RHBDL2: variants seen among roughly 807,000 people sequenced by gnomAD.
RHBDL2 encodes the protein rhomboid-related protein 2.
Under a neutral mutation model 31.7 loss-of-function variants are expected in RHBDL2, and 26 were observed. That is an observed-to-expected ratio of 0.82 (90% confidence interval 0.60 to 1.14). RHBDL2 has a LOEUF of 1.14. Ranked by LOEUF, RHBDL2 falls within the 50% of genes most tolerant of loss-of-function variation. RHBDL2 has a pLI of 0.00. For missense variants in RHBDL2, 336 were observed against 364.4 expected (o/e 0.92, Z 0.63); for synonymous variants, 123 against 127.2 (o/e 0.97, Z 0.22).
At chr1:38,904,979 C>T (rs1010457525) in intron 4 of RHBDL2, among the ~76,000 whole-genome samples, 1 of 150,108 alleles carries the variant, frequency 6.7e-6, no homozygotes, top group Admixed American at 6.6e-5. Context: ...TGCAGTGAGC[C>T]GAGATCGCGC....
chr1:38,900,335 C>T (rs1032438687), intron 4 of RHBDL2, among the ~76,000 whole-genome samples: 4 of 151,828 alleles, frequency 2.6e-5, no homozygotes, highest in Non-Finnish European at 5.9e-5. Context: ...CACAAGAACC[C>T]CCTGGGCCGA....
chr1:38,894,896 G>A lies in RHBDL2; in HGVS notation c.609+1073C>T, dbSNP rs1175762546. Among the ~76,000 whole-genome samples the A allele has an allele frequency of 5.3e-5, 8 of 151,646 alleles. No homozygotes were observed. The East Asian group carries it at 5.8e-4, about 11-fold the overall frequency. ...TAATTTTTGTATTTTTAGTAGAGAC[G>A]GGGTTTCACCATATTGGCCTGGATG... On this transcript the variant is annotated intron_variant, in intron 5 of 7. Transcript: ENST00000372990.
At chr1:38,929,033 T>A (rs1643411097) in intron 1 of RHBDL2, among the ~76,000 whole-genome samples, 1 of 152,028 alleles carries the variant, frequency 6.6e-6, no homozygotes, top group African/African-American at 2.4e-5. Context: ...ATGGTGCCAC[T>A]TGCACTCCAG....
chr1:38,936,970 C>G lies in RHBDL2; in HGVS notation c.-126+4712G>C, dbSNP rs925912117. Among the ~76,000 whole-genome samples, 48 of 137,410 alleles carry G rather than the reference C, an allele frequency of 3.5e-4. 1 individual carries two copies. Among genetic ancestry groups the G allele is most frequent in the Non-Finnish European group, 1.1e-4 (7 of 64,368 alleles). 90.1% of individuals were successfully genotyped at this position (137,410 alleles called of 152,430 possible). On this transcript the variant is annotated intron_variant, in intron 1 of 7. Transcript: ENST00000372990. ...AGTGTTCTTTTTTTTTTTTTTGAGACAGAGTCTCACCCTGTCACCCAGGCT... is the reference window on the plus strand; with the variant it reads ...AGTGTTCTTTTTTTTTTTTTTGAGAGAGAGTCTCACCCTGTCACCCAGGCT...
rs2124294800 is a variant in RHBDL2 at position 38,885,839 on chromosome 1, A to T, written c.*665T>A. On this transcript the variant is annotated 3_prime_UTR_variant, in exon 8 of 8. Transcript: ENST00000372990. Reference sequence around the variant, plus strand: ...AAAAAGTTTTTATTATCAGCATTGTACAGTATTCATAGATTTTATGAAGCA... The same window carrying T: ...AAAAAGTTTTTATTATCAGCATTGTTCAGTATTCATAGATTTTATGAAGCA... 1 of 152,786 alleles carries T rather than the reference A, an allele frequency of 6.5e-6. No homozygotes were observed. Among genetic ancestry groups the T allele is most frequent in the Admixed American group, 6.5e-5 (1 of 15,302 alleles). The allele number at this position is 152,786 out of a possible 1,614,324, so 9.5% of individuals were successfully genotyped here.
chr1:38,897,343 G>C (rs2124307922), intron 4 of RHBDL2, among the ~76,000 whole-genome samples: 1 of 152,148 alleles, frequency 6.6e-6, no homozygotes, highest in South Asian at 2.1e-4. Context: ...CTCGTGATCT[G>C]CCCACCTCGG....
chr1:38,930,833 C>G (rs1325496289), intron 1 of RHBDL2, among the ~76,000 whole-genome samples: 9 of 152,146 alleles, frequency 5.9e-5, no homozygotes, highest in Non-Finnish European at 1.3e-4. Flanking sequence ...TTCACTGCTT[C>G]GTGTAGAATT....
chr1:38,926,248 C>T lies in RHBDL2; in HGVS notation c.-125-6911G>A, dbSNP rs943318187. On this transcript the variant is annotated intron_variant, in intron 1 of 7. Transcript: ENST00000372990. ...CAGCAGTGGCAGCAGTATCCAGTGTCCAGACGCCTTGCCACTGGGGTCAGC... is the reference window on the plus strand; with the variant it reads ...CAGCAGTGGCAGCAGTATCCAGTGTTCAGACGCCTTGCCACTGGGGTCAGC... 4 of 1,062,494 alleles carry T rather than the reference C, an allele frequency of 3.8e-6. No homozygotes were observed. In the East Asian group the frequency reaches 3.1e-4, roughly 83 times the overall value. The allele number at this position is 1,062,494 out of a possible 1,614,324, so 65.8% of individuals were successfully genotyped here.
chr1:38,915,112 T>G (rs1194685503), intron 3 of RHBDL2, among the ~76,000 whole-genome samples: 1 of 151,866 alleles, frequency 6.6e-6, no homozygotes, highest in African/African-American at 2.4e-5. Context: ...CTTAGCTGTG[T>G]GACTTGGAAC....
intron 1 of RHBDL2, among the ~76,000 whole-genome samples, chr1:38,924,189 C>T (rs905513756): frequency 1.3e-5 from 2 of 152,094 alleles, no homozygotes; most frequent in African/African-American, 2.4e-5. Context: ...AAGGGATCCT[C>T]CCTGCTTGAC....
intron 4 of RHBDL2, among the ~76,000 whole-genome samples, chr1:38,897,205 A>G (rs112243450): frequency 0.072 from 10,803 of 150,818 alleles, 418 homozygotes; most frequent in South Asian, 0.089. Context: ...GGTTCATGCT[A>G]TTCTCCTGCC....
chr1:38,891,439 A>C (rs568891595), intron 6 of RHBDL2, among the ~76,000 whole-genome samples: 1 of 152,192 alleles, frequency 6.6e-6, no homozygotes, highest in Non-Finnish European at 1.5e-5. Flanking sequence ...AACCAGGCCA[A>C]AGAACTTTTA....
At chr1:38,908,447 G>A (rs971529856) in intron 4 of RHBDL2, among the ~76,000 whole-genome samples, 5 of 147,750 alleles carry the variant, frequency 3.4e-5, no homozygotes, top group Non-Finnish European at 4.4e-5. Context: ...AGGAGGTGGA[G>A]GTTGCTGTGA....
At chr1:38,930,278 T>G (rs545479470) in intron 1 of RHBDL2, among the ~76,000 whole-genome samples, 10 of 152,196 alleles carry the variant, frequency 6.6e-5, no homozygotes, top group Non-Finnish European at 1.2e-4. Context: ...TTCGCTTTTA[T>G]TATTTTCTGG....
intron 4 of RHBDL2, among the ~76,000 whole-genome samples, chr1:38,897,050 T>G (rs887233302): frequency 6.6e-6 from 1 of 151,796 alleles, no homozygotes; most frequent in Non-Finnish European, 1.5e-5. Flanking sequence ...AAGGGTGGAG[T>G]CCTTGCTACT....
chr1:38,893,816 T>A (rs931102787), intron 5 of RHBDL2, among the ~76,000 whole-genome samples: 1 of 152,110 alleles, frequency 6.6e-6, no homozygotes, highest in African/African-American at 2.4e-5. Context: ...TATAGCTCAC[T>A]GCAGCCTCGA....
chr1:38,937,193 G>T (rs937592340), intron 1 of RHBDL2, among the ~76,000 whole-genome samples: 1 of 148,936 alleles, frequency 6.7e-6, no homozygotes, highest in East Asian at 2.1e-4. Context: ...TGATCCACCC[G>T]CCTCGGCCTC....
chr1:38,912,963 CGTGTGT>C (rs146456884), intron 3 of RHBDL2, among the ~76,000 whole-genome samples: 1 of 112,284 alleles, frequency 8.9e-6, no homozygotes, highest in Non-Finnish European at 1.7e-5. Flanking sequence ...TACATATACA[CGTGTGT>C]GTGTGTGTGT....
intron 5 of RHBDL2, 72 bp downstream of exon 5, chr1:38,895,897 G>GGTTCA (rs1642912677): frequency 3.1e-6 from 3 of 961,302 alleles, no homozygotes; most frequent in Admixed American, 2.3e-5. Context: ...ATGAAGGTTC[G>GGTTCA]TTGAAACAAA....
Sources: gnomAD v4.1 joint callset for allele counts (sites outside exome capture counted in the v4.1 genomes callset) on GRCh38, gnomAD v4.1.1 for gene constraint, MANE v1.5 for transcripts, NCBI Gene and HGNC (gene_info 2026-07-23, HGNC 2026-07-21) for gene names.